The following HTR6 variants were observed in gnomAD, a reference collection of about 807,000 sequenced individuals.
The protein encoded by HTR6 is 5-hydroxytryptamine receptor 6.
A neutral mutation model predicts 17.4 loss-of-function variants in HTR6; 15 were observed. The ratio of observed to expected loss-of-function variants is 0.86; its 90% CI spans 0.58 to 1.33. The LOEUF is 1.33. Among genes scored for constraint, HTR6 ranks in the 40% most tolerant of loss-of-function variants. HTR6 has a pLI of 0.00. For missense variants in HTR6, 578 were observed against 616.0 expected, an observed-to-expected ratio of 0.94 and a Z score of 0.65; for synonymous variants, 326 against 295.5, an observed-to-expected ratio of 1.10 and a Z score of -1.06.
chr1:19,666,053 G>T lies in HTR6; in HGVS notation c.300G>T (p.Leu100=), dbSNP rs763153053. Reference sequence around the variant, plus strand: ...GGGTGCTGGCGCGCGGCCTCTGCCTGCTCTGGACCGCCTTCGACGTGATGT... The same window carrying T: ...GGGTGCTGGCGCGCGGCCTCTGCCTTCTCTGGACCGCCTTCGACGTGATGT... ...GRWVLARGLC[L]LWTAFDVMCC... The change falls in exon 1 of 3, where the codon CTG becomes CTT. Residue 100 remains leucine (L), a synonymous_variant. Transcript: ENST00000289753. The surrounding 1 kb of genome is among the most constrained non-coding windows in gnomAD (Gnocchi z 4.5). The T allele has an allele frequency of 2.5e-6, 4 of 1,613,296 alleles. No homozygotes were observed. Among genetic ancestry groups the T allele is most frequent in the Non-Finnish European group, 3.4e-6 (4 of 1,179,794 alleles).
intron 1 of HTR6, among the ~76,000 whole-genome samples, chr1:19,669,323 C>T (rs567090279): frequency 6.6e-6 from 1 of 152,310 alleles, no homozygotes; most frequent in Admixed American, 6.5e-5. Flanking sequence ...TGCAGCCCCA[C>T]AATCTGTGAG....
chr1:19,678,987 C>A lies in HTR6; in HGVS notation c.942C>A (p.Thr314=). ...CATGGCTGGGTTACTGTAACAGCACCATGAACCCCATCATCTACCCACTCT... is the reference window on the plus strand; with the variant it reads ...CATGGCTGGGTTACTGTAACAGCACAATGAACCCCATCATCTACCCACTCT... ...VLTWLGYCNS[T]MNPIIYPLFM... Residue 314 remains threonine (T), a synonymous_variant, in exon 3 of 3, where the codon ACC becomes ACA. Coordinates refer to ENST00000289753, the MANE Select transcript of HTR6 (RefSeq NM_000871.3). The A allele has an allele frequency of 1.2e-6, 2 of 1,614,170 alleles. No individual in the cohort carries two copies. The highest frequency in any genetic ancestry group is 1.7e-6 in the Non-Finnish European group (2 of 1,180,014).
chr1:19,668,311 T>G (rs1268841920), intron 1 of HTR6, among the ~76,000 whole-genome samples: 1 of 152,158 alleles, frequency 6.6e-6, no homozygotes, highest in Non-Finnish European at 1.5e-5. Context: ...AGGGCTGGAA[T>G]GTAGTGGCGT....
At chr1:19,678,464 T>C in intron 1 of HTR6, 103 bp from the exon 2 acceptor site, 2 of 1,409,048 alleles carry the variant, frequency 1.4e-6, no homozygotes, top group Non-Finnish European at 2.0e-6. Context: ...ATCCTGGCAC[T>C]AGGGCTCAGT....
chr1:19,670,244 T>C (rs1277161359), intron 1 of HTR6, among the ~76,000 whole-genome samples: 1 of 151,744 alleles, frequency 6.6e-6, no homozygotes, highest in African/African-American at 2.4e-5. Context: ...ATTTCCATCA[T>C]TTCCTTCCAG....
intron 2 of HTR6, 67 bp from the exon 3 acceptor site, chr1:19,678,852 T>C (rs115124268): frequency 0.013 from 20,571 of 1,559,448 alleles, 191 homozygotes; most frequent in East Asian, 0.028. Flanking sequence ...GTCTGCTCCA[T>C]ACATGCTGGG....
At chr1:19,678,468 G>A (rs1300743451) in intron 1 of HTR6, 99 bp from the exon 2 acceptor site, 5 of 1,429,220 alleles carry the variant, frequency 3.5e-6, no homozygotes, top group Non-Finnish European at 4.9e-6. Flanking sequence ...TGGCACTAGG[G>A]CTCAGTCTAG....
chr1:19,673,133 GAC>G (rs1289641708), intron 1 of HTR6, among the ~76,000 whole-genome samples: 1 of 152,218 alleles, frequency 6.6e-6, no homozygotes, highest in Non-Finnish European at 1.5e-5. Flanking sequence ...CTGAGCCAGA[GAC>G]TAATAATAAT....
intron 1 of HTR6, among the ~76,000 whole-genome samples, chr1:19,677,460 A>G (rs2095095731): frequency 6.6e-6 from 1 of 151,960 alleles, no homozygotes; most frequent in South Asian, 2.1e-4. Flanking sequence ...CTTCCTGTCC[A>G]CTTTTGAGAA....
At position 19,674,437 on chromosome 1, in the gene HTR6, C is replaced by T. The variant is rs375304926; in HGVS notation, c.715-4130C>T. Among the ~76,000 whole-genome samples the T allele has an allele frequency of 3.4e-4, 48 of 141,060 alleles. 1 individual carries two copies. The East Asian group carries it at 9.9e-3, about 29-fold the overall frequency. 92.5% of individuals were successfully genotyped at this position (141,060 alleles called of 152,430 possible). On this transcript the variant is annotated intron_variant, in intron 1 of 2. Coordinates refer to ENST00000289753, the MANE Select transcript of HTR6 (RefSeq NM_000871.3). The stretch of plus-strand genomic sequence containing the variant: ...TTTTTTTTTTTTTGAGACAAACTCT[C>T]ACTCTGTCACCCAGGCTGGAGTGTG...
Position 19,678,732 on chromosome 1 carries a change from C to G in HTR6, c.873+7C>G. On this transcript the variant is annotated splice_region_variant and intron_variant, in intron 2 of 2. Transcript: ENST00000289753. ...TGTGGCCAACATAGTCCAGGTAATG[C>G]CACGGCAGGGGGCAGGTGAGTCCGG... The G allele has an allele frequency of 6.2e-7, 1 of 1,604,386 alleles. No individual in the cohort carries two copies.
chr1:19,676,989 G>A (rs2095095225), intron 1 of HTR6, among the ~76,000 whole-genome samples: 1 of 152,156 alleles, frequency 6.6e-6, no homozygotes, highest in Non-Finnish European at 1.5e-5. Context: ...AAATAGAGGT[G>A]GGCCTAATTT....
At chr1:19,678,445 C>T (rs1229895561) in intron 1 of HTR6, 122 bp from the exon 2 acceptor site, 16 of 1,224,064 alleles carry the variant, frequency 1.3e-5, no homozygotes, top group Non-Finnish European at 1.9e-5. Context: ...AGGAACAGGG[C>T]CCAGTTTAAT....
intron 1 of HTR6, among the ~76,000 whole-genome samples, chr1:19,678,038 T>G (rs756816632): frequency 6.6e-6 from 1 of 152,166 alleles, no homozygotes; most frequent in Non-Finnish European, 1.5e-5. Context: ...CTGTGCCCAG[T>G]CAATTGCAAT....
intron 1 of HTR6, among the ~76,000 whole-genome samples, chr1:19,678,317 G>A (rs943769695): frequency 1.3e-5 from 2 of 152,032 alleles, no homozygotes; most frequent in African/African-American, 4.8e-5. Context: ...AGGGCTTTAT[G>A]GTAGGTGTCA....
intron 1 of HTR6, among the ~76,000 whole-genome samples, chr1:19,669,553 T>A (rs1294902169): frequency 6.6e-6 from 1 of 152,178 alleles, no homozygotes; most frequent in African/African-American, 2.4e-5. Context: ...GTGATGCTCT[T>A]GAAATGCTTT....
intron 2 of HTR6, 32 bp from the exon 3 acceptor site, chr1:19,678,887 G>A (rs767481118): frequency 1.3e-6 from 2 of 1,568,274 alleles, no homozygotes; most frequent in Non-Finnish European, 1.7e-6. Flanking sequence ...TCCCTGCCCT[G>A]GGACCAGGCA....
intron 2 of HTR6, 86 bp downstream of exon 2, chr1:19,678,811 A>G: frequency 6.4e-7 from 1 of 1,560,916 alleles, no homozygotes; most frequent in Non-Finnish European, 8.7e-7. Context: ...AGGGGAGGGT[A>G]GGCTGCCTCT....
rs2095098227 is a variant in HTR6, at chr1:19,679,110, C to T, written c.1065C>T (p.Thr355=). 3.1e-6 allele frequency: 5 copies of T among 1,612,778 alleles called. No individual in the cohort carries two copies. In the South Asian group the frequency reaches 4.4e-5, roughly 14 times the overall value. Residue 355 remains threonine, a synonymous_variant, in exon 3 of 3, where the codon ACC becomes ACT. Coordinates refer to ENST00000289753, the MANE Select transcript of HTR6 (RefSeq NM_000871.3). The surrounding 1 kb of genome is among the most constrained non-coding windows in gnomAD (Gnocchi z 4.9). ...QASLASPSLR[T]SHSGPRPGLS... ...GCCTGGCCTCGCCATCACTGCGCAC[C>T]TCTCACAGCGGCCCCCGGCCCGGCC...
Sources: gnomAD v4.1 joint callset for allele counts (sites outside exome capture counted in the v4.1 genomes callset) on GRCh38, gnomAD v4.1.1 for gene constraint, Gnocchi (gnomAD v3.1) non-coding constraint, MANE v1.5 for transcripts, NCBI Gene and HGNC (gene_info 2026-07-23, HGNC 2026-07-21) for gene names.